ZNF559: variants seen among roughly 807,000 people sequenced by gnomAD.
ZNF559 encodes the protein zinc finger protein 559.
A neutral mutation model predicts 14.2 loss-of-function variants in ZNF559; 17 were observed. That is an observed-to-expected ratio of 1.20 (90% CI 0.82 to 1.80). ZNF559 has a LOEUF of 1.80. Among genes scored for constraint, ZNF559 ranks in the 40% most tolerant of loss-of-function variants. The pLI is 0.00. For synonymous variants in ZNF559, 244 were observed against 212.4 expected (o/e 1.15, Z -1.29); for missense variants, 740 against 629.7 (o/e 1.18, Z -1.88).
Position 9,342,142 on chromosome 19 carries a change from CA to C in ZNF559, c.692del (p.His231ProfsTer30). 1 of 1,613,266 alleles carries C rather than the reference CA, an allele frequency of 6.2e-7. No homozygotes were observed. Among genetic ancestry groups the C allele is most frequent in the African/African-American group, 1.3e-5 (1 of 74,976 alleles). On this transcript the variant is annotated frameshift_variant, in exon 7 of 7. Coordinates refer to ENST00000603380, the MANE Select transcript of ZNF559 (RefSeq NM_032497.3). LOFTEE classifies it low-confidence loss of function (END_TRUNC). ...TTCTCATTCTACAGCCCTTTTTGTACACATGCAAACTCAAGATGGAGAAAAA... is the reference window on the plus strand; with the variant it reads ...TTCTCATTCTACAGCCCTTTTTGTACCATGCAAACTCAAGATGGAGAAAAA... ...TFSHSTALFV[H>X]MQTQDGEKFY...
At chr19:9,325,371 G>C (rs1351603131) in intron 2 of ZNF559, among the ~76,000 whole-genome samples, 1 of 152,118 alleles carries the variant, frequency 6.6e-6, no homozygotes, top group Non-Finnish European at 1.5e-5. Flanking sequence ...GAGCATGGGA[G>C]GTCGAGGCTG....
chr19:9,324,477 A>G, intron 1 of ZNF559: 3 of 1,408,512 alleles, frequency 2.1e-6, no homozygotes, highest in Admixed American at 2.9e-5. Context: ...CGGCCTTTCC[A>G]TTTTCCCTGC....
intron 2 of ZNF559, among the ~76,000 whole-genome samples, chr19:9,333,706 A>C (rs773052315): frequency 2.0e-5 from 3 of 150,286 alleles, no homozygotes; most frequent in African/African-American, 7.4e-5. Flanking sequence ...CCACCCAGAA[A>C]CAAGCCTGAG....
intron 2 of ZNF559, among the ~76,000 whole-genome samples, chr19:9,333,425 A>G (rs2067043767): frequency 6.6e-6 from 1 of 152,208 alleles, no homozygotes; most frequent in Admixed American, 6.5e-5. Context: ...AAAGGAAGCT[A>G]GGCGTAGTGG....
chr19:9,333,269 T>A (rs933903585), intron 2 of ZNF559, among the ~76,000 whole-genome samples: 2 of 152,212 alleles, frequency 1.3e-5, no homozygotes, highest in African/African-American at 4.8e-5. Flanking sequence ...CAGAAAATTT[T>A]AAAAATAGAT....
At position 9,341,824 on chromosome 19, in the gene ZNF559, G is replaced by GA. The variant is rs1411550239; in HGVS notation, c.378dup (p.Ala127SerfsTer15). On this transcript the variant is annotated frameshift_variant, in exon 7 of 7. Transcript: ENST00000603380. LOFTEE classifies it low-confidence loss of function (END_TRUNC). ...GAAAACCTGTGAGTGTAATCAATGT[G>GA]AAAAAGCCTTCAGAAAACCCTCTAT... The GA allele has an allele frequency of 6.2e-7, 1 of 1,611,382 alleles. No individual in the cohort carries two copies. Among genetic ancestry groups the GA allele is most frequent in the South Asian group, 1.1e-5 (1 of 90,354 alleles).
Position 9,337,778 on chromosome 19 carries a change from C to T in ZNF559, c.-119-18C>T. On this transcript the variant is annotated intron_variant, in intron 2 of 6. Coordinates refer to ENST00000603380, the MANE Select transcript of ZNF559 (RefSeq NM_032497.3). ...AATACTCTAGTGGCACTCACATGAA[C>T]AACTTCATCTTCTGCAGAGAGATGG... 7.0e-7 allele frequency: 1 copy of T among 1,425,326 alleles called. No individual in the cohort carries two copies. The highest frequency in any genetic ancestry group is 1.4e-5 in the African/African-American group (1 of 69,658). 88.3% of individuals were successfully genotyped at this position (1,425,326 alleles called of 1,614,324 possible).
At chr19:9,324,896 C>A in intron 2 of ZNF559, 116 bp downstream of exon 2, 1 of 803,448 alleles carries the variant, frequency 1.2e-6, no homozygotes, top group Non-Finnish European at 2.0e-6. Flanking sequence ...GATCTGATAC[C>A]ATCGAATGCA....
At chr19:9,341,529 A>G in intron 6 of ZNF559, 166 bp from the exon 7 acceptor site, 1 of 1,276,932 alleles carries the variant, frequency 7.8e-7, no homozygotes, top group African/African-American at 1.5e-5. Context: ...TTCCACTTGA[A>G]AACACTCAGG....
intron 3 of ZNF559, among the ~76,000 whole-genome samples, 181 bp from the exon 4 acceptor site, chr19:9,338,313 T>A (rs1445234453): frequency 6.8e-6 from 1 of 147,938 alleles, no homozygotes; most frequent in African/African-American, 2.4e-5. Context: ...TGTTAAACTC[T>A]CTCTCTCCTG....
At chr19:9,326,314 C>T (rs1156998869) in intron 2 of ZNF559, among the ~76,000 whole-genome samples, 1 of 152,010 alleles carries the variant, frequency 6.6e-6, no homozygotes, top group East Asian at 1.9e-4. Flanking sequence ...ACCGTGTTGG[C>T]CAGGCTGGTC....
intron 2 of ZNF559, among the ~76,000 whole-genome samples, chr19:9,328,204 C>G (rs1352158078): frequency 6.6e-6 from 1 of 151,976 alleles, no homozygotes; most frequent in Non-Finnish European, 1.5e-5. Flanking sequence ...ACTAGTATTA[C>G]TACCATTACT....
intron 4 of ZNF559, 61 bp downstream of exon 4, chr19:9,338,643 T>G: frequency 7.5e-7 from 1 of 1,328,358 alleles, no homozygotes; most frequent in Non-Finnish European, 1.1e-6. Flanking sequence ...GTAGATGTGT[T>G]TTCTCCTAGT....
chr19:9,324,171 G>T (rs574571270), upstream of ZNF559: 7 of 1,536,068 alleles, frequency 4.6e-6, no homozygotes, highest in Admixed American at 2.0e-5. Flanking sequence ...GCGTGTCTGC[G>T]TGGGCGCATG....
Position 9,343,572 on chromosome 19 carries a change from A to T in ZNF559, c.*504A>T. ...TCTTATGAATGTAAAATGTGTGGAGATTCTTCTTTGTTTTTAGCTTCCACT... is the reference window on the plus strand; with the variant it reads ...TCTTATGAATGTAAAATGTGTGGAGTTTCTTCTTTGTTTTTAGCTTCCACT... On this transcript the variant is annotated 3_prime_UTR_variant, in exon 7 of 7. Transcript: ENST00000603380. 1.0e-6 allele frequency: 1 copy of T among 991,636 alleles called. No homozygotes were observed. Among genetic ancestry groups the T allele is most frequent in the Non-Finnish European group, 1.2e-6 (1 of 833,120 alleles). 61.4% of individuals were successfully genotyped at this position (991,636 alleles called of 1,614,324 possible).
At chr19:9,326,937 G>A (rs2066639237) in intron 2 of ZNF559, among the ~76,000 whole-genome samples, 1 of 152,244 alleles carries the variant, frequency 6.6e-6, no homozygotes, top group South Asian at 2.1e-4. Context: ...TGAATTAAAA[G>A]TAAATAAAAT....
upstream of ZNF559, chr19:9,323,945 TC>T: frequency 1.7e-6 from 1 of 573,440 alleles, no homozygotes; most frequent in Non-Finnish European, 3.1e-6. Flanking sequence ...CTTCATTCTT[TC>T]TTTGCTTTGC....
intron 2 of ZNF559, among the ~76,000 whole-genome samples, chr19:9,328,302 CTG>C (rs1457414470): frequency 7.5e-6 from 1 of 133,338 alleles, no homozygotes; most frequent in Non-Finnish European, 1.6e-5. Context: ...GTTTTTTTCT[CTG>C]TGTGGTTATG....
In ZNF559 at chr19:9,342,313, A is replaced by G. The variant is rs747562562; in HGVS notation, c.862A>G (p.Ile288Val). Reference sequence around the variant, plus strand: ...TTTTTCCCCAGATCTTGCTAAACATATAAGACTTAGAACTAGAGGAAAACA... The same window carrying G: ...TTTTTCCCCAGATCTTGCTAAACATGTAAGACTTAGAACTAGAGGAAAACA... Reference protein sequence around the residue: ...FAFSPDLAKHIRLRTRGKHYV... With the variant: ...FAFSPDLAKHVRLRTRGKHYV... Residue 288 changes from isoleucine to valine, a missense_variant, in exon 7 of 7, where the codon ATA becomes GTA. Transcript: ENST00000603380. 4.3e-5 allele frequency: 69 copies of G among 1,597,316 alleles called. No individual in the cohort carries two copies. In the East Asian group the frequency reaches 9.6e-4, roughly 22 times the overall value.
Sources: gnomAD v4.1 joint callset for allele counts (sites outside exome capture counted in the v4.1 genomes callset) on GRCh38, gnomAD v4.1.1 for gene constraint, MANE v1.5 for transcripts, NCBI Gene and HGNC (gene_info 2026-07-23, HGNC 2026-07-21) for gene names.